The following TCTN3 variants were observed in gnomAD, a reference collection of about 807,000 sequenced individuals.
The protein encoded by TCTN3 is tectonic-3.
TCTN3 carries 57 observed loss-of-function variants against 71.3 expected under a neutral mutation model. The ratio of observed to expected loss-of-function variants is 0.80; its 90% CI spans 0.65 to 1.00. The LOEUF (loss-of-function observed/expected upper bound fraction) is 1.00, where lower values mean the gene tolerates loss of function less well. TCTN3 is among the 50% of genes least tolerant of loss of function. The pLI, the probability that TCTN3 is intolerant of heterozygous loss-of-function variation, is 0.00. For missense variants in TCTN3, 696 were observed against 719.9 expected (o/e 0.97, Z 0.38); for synonymous variants, 258 against 267.8 (o/e 0.96, Z 0.36).
In TCTN3 at chr10:95,683,631, T is replaced by C. The variant is rs1413528810; in HGVS notation, c.1096-2A>G. The C allele has an allele frequency of 6.2e-7, 1 of 1,602,476 alleles. No homozygotes were observed. The highest frequency in any genetic ancestry group is 2.2e-5 in the East Asian group (1 of 44,660). On this transcript the variant is annotated splice_acceptor_variant, in intron 9 of 13. Transcript: ENST00000371217. LOFTEE classifies it high-confidence loss of function. The stretch of plus-strand genomic sequence containing the variant: ...AGCAGCTGTGCTCTGTTGAAAAGCC[T>C]GCAGAAAGAGGGAAGAGAAGTCAAT...
intron 8 of TCTN3, among the ~76,000 whole-genome samples, chr10:95,685,227 G>T (rs1015611213): frequency 2.0e-5 from 3 of 152,202 alleles, no homozygotes; most frequent in African/African-American, 7.2e-5. Context: ...AACAGAAGAG[G>T]TGTCAGAAAT....
chr10:95,692,820 G>C, intron 3 of TCTN3, 100 bp downstream of exon 3: 1 of 832,536 alleles, frequency 1.2e-6, no homozygotes. Context: ...TGTATTTTAC[G>C]TGTGGCCCAA....
intron 13 of TCTN3, among the ~76,000 whole-genome samples, chr10:95,669,646 C>A (rs2097928887): frequency 6.6e-6 from 1 of 152,052 alleles, no homozygotes; most frequent in Non-Finnish European, 1.5e-5. Context: ...GTACTTGGCA[C>A]AGAGTAAGCA....
At chr10:95,671,141 G>T (rs2097930855) in intron 13 of TCTN3, among the ~76,000 whole-genome samples, 1 of 152,142 alleles carries the variant, frequency 6.6e-6, no homozygotes, top group Admixed American at 6.5e-5. Flanking sequence ...GAAGAGCACT[G>T]GGGAAAAATA....
At chr10:95,684,686 G>A in intron 8 of TCTN3, 62 bp from the exon 9 acceptor site, 3 of 1,572,314 alleles carry the variant, frequency 1.9e-6, no homozygotes, top group Non-Finnish European at 2.6e-6. Flanking sequence ...GTTTAGGACA[G>A]AAGATTTTCT....
At chr10:95,666,450 AAAT>A (rs985886487) in intron 13 of TCTN3, among the ~76,000 whole-genome samples, 126 of 147,134 alleles carry the variant, frequency 8.6e-4, no homozygotes, top group African/African-American at 3.0e-3. Context: ...ACCTATGAAT[AAAT>A]AATAAACTTT....
At chr10:95,692,199 C>T (rs1374114923) in intron 3 of TCTN3, among the ~76,000 whole-genome samples, 1 of 151,968 alleles carries the variant, frequency 6.6e-6, no homozygotes, top group African/African-American at 2.4e-5. Context: ...TGATCCATAG[C>T]CAACAGAACA....
At position 95,680,599 on chromosome 10, in the gene TCTN3, C is replaced by G. The variant is rs1273735180; in HGVS notation, c.1463G>C (p.Cys488Ser). The G allele has an allele frequency of 1.9e-6, 3 of 1,613,600 alleles. No homozygotes were observed. The highest frequency in any genetic ancestry group is 3.3e-5 in the Admixed American group (2 of 59,918). ...NRHCSISAINCTSCCLIPVSL... is the reference protein window; with the variant it reads ...NRHCSISAINSTSCCLIPVSL... ...AACTGGTATGAGACAGCAGGAAGTA[C>G]AGTTTATAGCCTGCAGAAGGGTAAA... The change falls in exon 13 of 14, where the codon TGT (cysteine) becomes TCT (serine). Residue 488 changes from cysteine (C) to serine (S), a missense_variant. Coordinates refer to ENST00000371217, the MANE Select transcript of TCTN3 (RefSeq NM_015631.6).
At chr10:95,667,986 C>G (rs1478202244) in intron 13 of TCTN3, among the ~76,000 whole-genome samples, 1 of 151,916 alleles carries the variant, frequency 6.6e-6, no homozygotes. Context: ...ATAAACAACT[C>G]TGAGGAAACA....
intron 13 of TCTN3, among the ~76,000 whole-genome samples, chr10:95,675,827 T>C (rs548044669): frequency 6.6e-6 from 1 of 152,260 alleles, no homozygotes; most frequent in Non-Finnish European, 1.5e-5. Flanking sequence ...TTAATTATTG[T>C]TCCTTATCTT....
chr10:95,675,635 C>G (rs2097936298), intron 13 of TCTN3, among the ~76,000 whole-genome samples: 2 of 152,128 alleles, frequency 1.3e-5, no homozygotes, highest in South Asian at 4.1e-4. Context: ...ACAGAAACTA[C>G]TGAGTCATAG....
rs2097946307 is a variant in TCTN3, at chr10:95,684,498, C to T, written c.1095+1G>A. 6.2e-7 allele frequency: 1 copy of T among 1,613,960 alleles called. No individual in the cohort carries two copies. Among genetic ancestry groups the T allele is most frequent in the East Asian group, 2.2e-5 (1 of 44,866 alleles). ...ATCCCCTATAAGAGAAGGGCCCTAA[C>T]CCTGAAGCGAAGGATGAAGTGTTGC... On this transcript the variant is annotated splice_donor_variant, in intron 9 of 13. Coordinates refer to ENST00000371217, the MANE Select transcript of TCTN3 (RefSeq NM_015631.6). LOFTEE classifies it high-confidence loss of function.
At chr10:95,682,868 C>T (rs774068443) in intron 11 of TCTN3, 64 bp from the exon 12 acceptor site, 91 of 1,525,518 alleles carry the variant, frequency 6.0e-5, no homozygotes, top group African/African-American at 2.8e-4. Context: ...TATATTAGTA[C>T]GGTATGTTAA....
At chr10:95,678,036 C>T (rs2097939149) in intron 13 of TCTN3, among the ~76,000 whole-genome samples, 1 of 152,206 alleles carries the variant, frequency 6.6e-6, no homozygotes, top group Admixed American at 6.5e-5. Flanking sequence ...TATCCTATCA[C>T]TTAGATATTC....
intron 13 of TCTN3, among the ~76,000 whole-genome samples, chr10:95,670,048 C>T (rs2097929353): frequency 8.7e-6 from 1 of 114,832 alleles, no homozygotes; most frequent in Non-Finnish European, 1.7e-5. Context: ...TGGGCGACAG[C>T]GAGACTCCGT....
intron 9 of TCTN3, 116 bp from the exon 10 acceptor site, chr10:95,683,745 C>T (rs2097945550): frequency 9.1e-6 from 7 of 765,436 alleles, no homozygotes; most frequent in African/African-American, 1.8e-5. Flanking sequence ...GTGAGCTACA[C>T]TGAACAATCT....
chr10:95,673,141 T>C, intron 13 of TCTN3, among the ~76,000 whole-genome samples: 1 of 152,220 alleles, frequency 6.6e-6, no homozygotes, highest in East Asian at 1.9e-4. Context: ...TGTTTTCTCA[T>C]TTTCATAATG....
In TCTN3 at chr10:95,683,551, A is replaced by C. The variant is rs1206457280; in HGVS notation, c.1174T>G (p.Leu392Val). 2 of 1,614,128 alleles carry C rather than the reference A, an allele frequency of 1.2e-6. No homozygotes were observed. The highest frequency in any genetic ancestry group is 1.7e-6 in the Non-Finnish European group (2 of 1,180,054). ...TAACTTATATCATCAGTCAGAGCCA[A>C]GAGTGGCTTCCCAACTATATAGCCA... ...NPGYIVGKPL[L>V]ALTDDISYSM... Residue 392 changes from leucine (L) to valine (V), a missense_variant, in exon 10 of 14, where the codon TTG (leucine) becomes GTG (valine). Transcript: ENST00000371217.
chr10:95,678,604 C>A (rs1236914424), intron 13 of TCTN3, among the ~76,000 whole-genome samples: 1 of 150,182 alleles, frequency 6.7e-6, no homozygotes. Flanking sequence ...GAAGTGATTT[C>A]AAGTTAAGGA....
Sources: allele counts gnomAD v4.1 joint callset (sites outside exome capture counted in the v4.1 genomes callset), GRCh38; gene constraint gnomAD v4.1.1; transcripts MANE v1.5; gene names NCBI Gene and HGNC (gene_info 2026-07-23, HGNC 2026-07-21).